Variants in PARP11 observed in about 807,000 individuals in gnomAD.
PARP11 encodes protein mono-ADP-ribosyltransferase PARP11.
In PARP11, 31 loss-of-function variants were observed where a neutral mutation model predicts 42.9. The ratio of observed to expected loss-of-function variants is 0.72; its 90% CI spans 0.54 to 0.98. The LOEUF is 0.98. PARP11 is among the 50% of genes least tolerant of loss of function. The probability of loss-of-function intolerance (pLI) is 0.00; values close to 1 mark genes in which losing one functional copy is unlikely to be tolerated. For missense variants in PARP11, 365 were observed against 413.1 expected (o/e 0.88, Z 1.01); for synonymous variants, 137 against 127.3 (o/e 1.08, Z -0.51).
chr12:3,850,231 T>C (rs1948072348), intron 1 of PARP11, among the ~76,000 whole-genome samples: 1 of 152,132 alleles, frequency 6.6e-6, no homozygotes, highest in Admixed American at 6.5e-5. Context: ...CATATAATTA[T>C]GTAAAGTAAT....
chr12:3,827,794 G>A (rs10848941), intron 3 of PARP11, among the ~76,000 whole-genome samples: 2,827 of 152,150 alleles, frequency 0.019, 125 homozygotes, highest in East Asian at 0.14. Flanking sequence ...ATTTCCTAAC[G>A]TTTCACCACC....
intron 1 of PARP11, chr12:3,839,827 G>T: frequency 8.7e-7 from 1 of 1,150,076 alleles, no homozygotes; most frequent in Non-Finnish European, 1.3e-6. Context: ...GTATGAGAAG[G>T]TATTTAAAAC....
intron 1 of PARP11, among the ~76,000 whole-genome samples, chr12:3,830,573 CAT>C (rs1361448513): frequency 6.6e-6 from 1 of 152,100 alleles, no homozygotes; most frequent in Non-Finnish European, 1.5e-5. Context: ...TGTTTACACA[CAT>C]ATATAGAAAA....
At position 3,839,178 on chromosome 12, in the gene PARP11, C is replaced by A. The variant is rs550888674; in HGVS notation, c.19-9160G>T. Among the ~76,000 whole-genome samples the A allele has an allele frequency of 2.2e-3, 323 of 149,580 alleles. 1 individual carries two copies. Among genetic ancestry groups the A allele is most frequent in the African/African-American group, 7.0e-3 (289 of 41,244 alleles). On this transcript the variant is annotated intron_variant, in intron 1 of 7. Coordinates refer to ENST00000228820, the MANE Select transcript of PARP11 (RefSeq NM_020367.6). Reference sequence around the variant, plus strand: ...GCCGCCGCCGCCGCCTGCCGCCTGCCGCCGCTCGCGGAGCCCGAGCCCCAG... The same window carrying A: ...GCCGCCGCCGCCGCCTGCCGCCTGCAGCCGCTCGCGGAGCCCGAGCCCCAG...
intron 3 of PARP11, among the ~76,000 whole-genome samples, chr12:3,828,100 C>T (rs1161675117): frequency 6.6e-6 from 1 of 152,012 alleles, no homozygotes; most frequent in Non-Finnish European, 1.5e-5. Flanking sequence ...GTGGAAGAGC[C>T]AAATCAATCA....
At chr12:3,853,699 C>A (rs1948140887) in intron 1 of PARP11, among the ~76,000 whole-genome samples, 1 of 152,172 alleles carries the variant, frequency 6.6e-6, no homozygotes, top group African/African-American at 2.4e-5. Flanking sequence ...GACTTTAACA[C>A]CCCACTGTCA....
intron 6 of PARP11, among the ~76,000 whole-genome samples, chr12:3,818,420 A>ATT (rs1247312445): frequency 3.3e-5 from 5 of 152,172 alleles, no homozygotes; most frequent in Admixed American, 3.3e-4. Flanking sequence ...TGTTCTCAGA[A>ATT]TTTCATCTCA....
rs1947862505 is a variant in PARP11 at position 3,840,491 on chromosome 12, G to A, written c.19-10473C>T. 2 of 1,612,932 alleles carry A rather than the reference G, an allele frequency of 1.2e-6. No homozygotes were observed. The highest frequency in any genetic ancestry group is 1.7e-6 in the Non-Finnish European group (2 of 1,178,980). The stretch of plus-strand genomic sequence containing the variant: ...CGTGAGTTCTCTAGTCATTCTTCAG[G>A]GTCACAGTCTCAGAAATTCTCCAGT... On this transcript the variant is annotated intron_variant, in intron 1 of 7. Transcript: ENST00000228820. This position sits in a 1 kb window ranked among gnomAD's most constrained non-coding sequence, Gnocchi z 4.4.
At chr12:3,868,691 CCT>C (rs1390594509) in intron 1 of PARP11, among the ~76,000 whole-genome samples, 1 of 152,148 alleles carries the variant, frequency 6.6e-6, no homozygotes, top group Middle Eastern at 3.2e-3. Flanking sequence ...GAATTGATCT[CCT>C]CTCTCCCCAC....
chr12:3,839,417 T>G (rs2138068453), intron 1 of PARP11: 1 of 1,586,446 alleles, frequency 6.3e-7, no homozygotes, highest in Non-Finnish European at 8.6e-7. Flanking sequence ...CGGAAACTGG[T>G]CGCCAAGGAC....
At chr12:3,823,516 G>C (rs1325544184) in intron 4 of PARP11, among the ~76,000 whole-genome samples, 2 of 152,056 alleles carry the variant, frequency 1.3e-5, no homozygotes, top group Admixed American at 6.6e-5. Context: ...CACTCAGTAA[G>C]TACTGGATGA....
chr12:3,812,057 C>CT lies in PARP11; in HGVS notation c.*65dup. 8.1e-7 allele frequency: 1 copy of CT among 1,228,028 alleles called. No individual in the cohort carries two copies. The highest frequency in any genetic ancestry group is 1.1e-6 in the Non-Finnish European group (1 of 876,950). The allele number at this position is 1,228,028 out of a possible 1,614,324, so 76.1% of individuals were successfully genotyped here. ...TAATTAACATTTAGTGGCTAGATGA[C>CT]TGAAGAGCAAACCTTCCTGCAAAAA... is the stretch of plus-strand genomic sequence containing the variant. On this transcript the variant is annotated 3_prime_UTR_variant, in exon 8 of 8. Transcript: ENST00000228820.
intron 6 of PARP11, among the ~76,000 whole-genome samples, 178 bp downstream of exon 6, chr12:3,821,695 T>A (rs1947396037): frequency 6.6e-6 from 1 of 152,172 alleles, no homozygotes; most frequent in South Asian, 2.1e-4. Flanking sequence ...ACAAGCAAAG[T>A]TTACAGAGCA....
rs560196312 is a variant in PARP11 at position 3,818,811 on chromosome 12, C to T, written c.548+3062G>A. Among the ~76,000 whole-genome samples the T allele has an allele frequency of 3.9e-4, 60 of 152,284 alleles. 1 individual carries two copies. The highest frequency in any genetic ancestry group is 1.4e-3 in the African/African-American group (60 of 41,556). ...ACCTACTTGTGTAAACCACATTCTC[C>T]CTCCAGCTTCTGTGATTACATCTTC... On this transcript the variant is annotated intron_variant, in intron 6 of 7. Transcript: ENST00000228820.
intron 6 of PARP11, among the ~76,000 whole-genome samples, chr12:3,819,536 TC>T: frequency 6.6e-6 from 1 of 152,038 alleles, no homozygotes; most frequent in Non-Finnish European, 1.5e-5. Context: ...TTACCAAATG[TC>T]CCCCAGCAGG....
At position 3,810,646 on chromosome 12, in the gene PARP11, A is replaced by AGAAAGAAGGAAG. The variant is rs1555131325; in HGVS notation, c.*1476_*1477insCTTCCTTCTTTC. 8.2e-6 allele frequency: 1 copy of AGAAAGAAGGAAG among 121,462 alleles called. No homozygotes were observed. The highest frequency in any genetic ancestry group is 3.3e-5 in the African/African-American group (1 of 30,578). The allele number at this position is 121,462 out of a possible 1,614,324, so 7.5% of individuals were successfully genotyped here. A position where few individuals can be genotyped will look rare whatever the true frequency, so the allele number is the denominator to read the frequency against. Reference sequence around the variant, plus strand: ...AGGAGGGAGGGAGGGAGGGAGGGAAAGAAGGAAGGAAGGAAGGAAGGAAGG... The same window carrying AGAAAGAAGGAAG: ...AGGAGGGAGGGAGGGAGGGAGGGAAAGAAAGAAGGAAGGAAGGAAGGAAGGAAGGAAGGAAGG... On this transcript the variant is annotated 3_prime_UTR_variant, in exon 8 of 8. Transcript: ENST00000228820.
At chr12:3,853,062 C>A in intron 1 of PARP11, among the ~76,000 whole-genome samples, 1 of 152,150 alleles carries the variant, frequency 6.6e-6, no homozygotes, top group Non-Finnish European at 1.5e-5. Flanking sequence ...GAAATAAAAT[C>A]CTTTACAGAT....
At chr12:3,849,110 G>A (rs1435764443) in intron 1 of PARP11, among the ~76,000 whole-genome samples, 1 of 151,996 alleles carries the variant, frequency 6.6e-6, no homozygotes, top group African/African-American at 2.4e-5. Flanking sequence ...ACCACAATGA[G>A]ACATCATCTC....
intron 3 of PARP11, among the ~76,000 whole-genome samples, 196 bp downstream of exon 3, chr12:3,828,714 T>C (rs1178341128): frequency 6.6e-6 from 1 of 152,132 alleles, no homozygotes; most frequent in African/African-American, 2.4e-5. Flanking sequence ...TATACAAACA[T>C]ATAAACACAC....
Sources: allele counts gnomAD v4.1 joint callset (sites outside exome capture counted in the v4.1 genomes callset), GRCh38; gene constraint gnomAD v4.1.1; non-coding constraint Gnocchi (gnomAD v3.1); transcripts MANE v1.5; gene names NCBI Gene and HGNC (gene_info 2026-07-23, HGNC 2026-07-21).